The following CLYBL variants were observed in gnomAD, a reference collection of about 807,000 sequenced individuals.
CLYBL encodes the protein citramalyl-CoA lyase, mitochondrial.
CLYBL carries 31 observed loss-of-function variants against 38.9 expected under a neutral mutation model. The observed-to-expected ratio is 0.80, with a 90% CI of 0.60 to 1.08. The LOEUF (loss-of-function observed/expected upper bound fraction) is 1.08, where lower values mean the gene tolerates loss of function less well. CLYBL is among the 50% of genes least tolerant of loss of function. CLYBL has a pLI of 0.00. For synonymous variants in CLYBL, 171 were observed against 158.6 expected (o/e 1.08, Z -0.59); for missense variants, 434 against 411.6 (o/e 1.05, Z -0.47).
intron 1 of CLYBL, among the ~76,000 whole-genome samples, chr13:99,722,817 G>T (rs1594138954): frequency 6.6e-6 from 1 of 152,196 alleles, no homozygotes; most frequent in African/African-American, 2.4e-5. Flanking sequence ...TATGAAGGTG[G>T]ACTGACGACT....
chr13:99,638,200 C>A (rs940212139), intron 1 of CLYBL, among the ~76,000 whole-genome samples: 8 of 152,134 alleles, frequency 5.3e-5, no homozygotes, highest in Admixed American at 1.3e-4. Flanking sequence ...TCAAATGGTC[C>A]CCCTGCCTCA....
intron 1 of CLYBL, among the ~76,000 whole-genome samples, chr13:99,705,243 G>A (rs181167920): frequency 1.3e-5 from 2 of 149,968 alleles, no homozygotes; most frequent in Admixed American, 1.3e-4. Flanking sequence ...GTGTACACAT[G>A]CACACACACA....
At chr13:99,715,997 A>G (rs1400253927) in intron 1 of CLYBL, among the ~76,000 whole-genome samples, 1 of 152,054 alleles carries the variant, frequency 6.6e-6, no homozygotes, top group Non-Finnish European at 1.5e-5. Context: ...CTGCCATGTT[A>G]TTTAGCAAAC....
intron 2 of CLYBL, among the ~76,000 whole-genome samples, chr13:99,857,673 T>C (rs893191077): frequency 6.6e-6 from 1 of 152,222 alleles, no homozygotes; most frequent in Non-Finnish European, 1.5e-5. Flanking sequence ...CACATCTGTC[T>C]GGTTTAAATC....
intron 2 of CLYBL, among the ~76,000 whole-genome samples, chr13:99,820,765 A>G (rs2050572954): frequency 6.6e-6 from 1 of 152,168 alleles, no homozygotes; most frequent in Non-Finnish European, 1.5e-5. Flanking sequence ...CTCAGATTAG[A>G]GGAGCGGAAG....
intron 1 of CLYBL, among the ~76,000 whole-genome samples, chr13:99,752,345 C>T (rs1298516956): frequency 6.6e-6 from 1 of 152,140 alleles, no homozygotes; most frequent in Non-Finnish European, 1.5e-5. Context: ...ATGTGCCAGA[C>T]ATGGTGCTGT....
chr13:99,738,218 G>C (rs950763077), intron 1 of CLYBL, among the ~76,000 whole-genome samples: 4 of 152,106 alleles, frequency 2.6e-5, no homozygotes, highest in Non-Finnish European at 5.9e-5. Flanking sequence ...TAAATTAAAG[G>C]CTCCTTGAAA....
At position 99,870,901 on chromosome 13, in the gene CLYBL, T is replaced by C; in HGVS notation, c.803-37T>C. On this transcript the variant is annotated intron_variant, in intron 6 of 8. Coordinates refer to ENST00000339105, the MANE Select transcript of CLYBL (RefSeq NM_206808.5). Reference sequence around the variant, plus strand: ...AACATTTTGTTTGAACATCTGTTCGTTGTTTCGTGGTTCCGATGTTATTAA... The same window carrying C: ...AACATTTTGTTTGAACATCTGTTCGCTGTTTCGTGGTTCCGATGTTATTAA... 1.3e-6 allele frequency: 2 copies of C among 1,565,408 alleles called. 1 individual carries two copies. Among genetic ancestry groups the C allele is most frequent in the South Asian group, 2.4e-5 (2 of 81,668 alleles).
chr13:99,768,630 G>A (rs895066374), intron 1 of CLYBL, among the ~76,000 whole-genome samples: 5 of 149,270 alleles, frequency 3.3e-5, no homozygotes, highest in Non-Finnish European at 5.9e-5. Context: ...TTGTGCCTCA[G>A]CCACCCAAGT....
chr13:99,789,195 T>C (rs2049864048), intron 2 of CLYBL, among the ~76,000 whole-genome samples: 1 of 152,158 alleles, frequency 6.6e-6, no homozygotes, highest in Non-Finnish European at 1.5e-5. Flanking sequence ...GTCTCTGTCT[T>C]CTTCAGTTCT....
At chr13:99,608,061 CTTTT>C (rs56149363) in intron 1 of CLYBL, among the ~76,000 whole-genome samples, 1 of 75,024 alleles carries the variant, frequency 1.3e-5, no homozygotes, top group Non-Finnish European at 2.4e-5. Flanking sequence ...TCTGGAACTT[CTTTT>C]TTTTTTTTTT....
At chr13:99,861,184 C>T (rs1231119540) in intron 3 of CLYBL, among the ~76,000 whole-genome samples, 1 of 152,138 alleles carries the variant, frequency 6.6e-6, no homozygotes, top group African/African-American at 2.4e-5. Context: ...AACTTCTCCA[C>T]TAGTTACCTT....
chr13:99,775,573 A>C (rs907979916), intron 2 of CLYBL, among the ~76,000 whole-genome samples: 2 of 152,104 alleles, frequency 1.3e-5, no homozygotes, highest in Non-Finnish European at 2.9e-5. Context: ...CAGTGGTGTC[A>C]TCATAGCTCA....
downstream of CLYBL, chr13:99,895,723 A>G (rs961004783): frequency 4.6e-5 from 7 of 152,174 alleles, no homozygotes; most frequent in African/African-American, 9.7e-5. Context: ...CCGAGTCAGT[A>G]AGAATTGCCC....
chr13:99,733,541 A>G (rs963249564), intron 1 of CLYBL, among the ~76,000 whole-genome samples: 4 of 152,236 alleles, frequency 2.6e-5, no homozygotes, highest in Non-Finnish European at 5.9e-5. Flanking sequence ...TGAAGGCATT[A>G]TTAGTCATCA....
chr13:99,664,561 C>T (rs1340047137), intron 1 of CLYBL, among the ~76,000 whole-genome samples: 1 of 152,162 alleles, frequency 6.6e-6, no homozygotes, highest in East Asian at 1.9e-4. Flanking sequence ...CTTTTATAAA[C>T]ACTATTACAT....
chr13:99,683,622 C>T (rs1024375339), intron 1 of CLYBL, among the ~76,000 whole-genome samples: 1 of 151,926 alleles, frequency 6.6e-6, no homozygotes, highest in African/African-American at 2.4e-5. Flanking sequence ...TACAGCTTGT[C>T]CCAGTGGAAG....
At chr13:99,875,705 GACA>G (rs2052020613) in intron 7 of CLYBL, among the ~76,000 whole-genome samples, 1 of 152,120 alleles carries the variant, frequency 6.6e-6, no homozygotes, top group African/African-American at 2.4e-5. Context: ...TCCACTATTA[GACA>G]ACAGTGTATC....
intron 2 of CLYBL, among the ~76,000 whole-genome samples, chr13:99,792,926 ATTACT>A (rs2049946892): frequency 6.6e-6 from 1 of 151,968 alleles, no homozygotes; most frequent in Admixed American, 6.6e-5. Flanking sequence ...CTTTATTATT[ATTACT>A]TTAATTGCCA....
Sources: gnomAD v4.1 joint callset for allele counts (sites outside exome capture counted in the v4.1 genomes callset) on GRCh38, gnomAD v4.1.1 for gene constraint, MANE v1.5 for transcripts, NCBI Gene and HGNC (gene_info 2026-07-23, HGNC 2026-07-21) for gene names.